Variants in SLC2A14 observed in about 807,000 individuals in gnomAD.
SLC2A14 encodes the protein solute carrier family 2, facilitated glucose transporter member 14.
A neutral mutation model predicts 43.0 loss-of-function variants in SLC2A14; 13 were observed. The ratio of observed to expected loss-of-function variants is 0.30; its 90% CI spans 0.20 to 0.48. SLC2A14 has a LOEUF of 0.48. Among genes scored for constraint, SLC2A14 ranks in the 20% least tolerant of loss-of-function variants. The probability of loss-of-function intolerance (pLI) is 0.99; values close to 1 mark genes in which losing one functional copy is unlikely to be tolerated. For synonymous variants in SLC2A14, 190 were observed against 233.8 expected (o/e 0.81, Z 1.71); for missense variants, 428 against 620.4 (o/e 0.69, Z 3.29).
chr12:7,882,378 A>G (rs1945597906), intron 1 of SLC2A14, among the ~76,000 whole-genome samples: 1 of 152,064 alleles, frequency 6.6e-6, no homozygotes, highest in Non-Finnish European at 1.5e-5. Flanking sequence ...AACAAACTCC[A>G]GATGCGCCAC....
chr12:7,818,069 A>AAG (rs1017774471), intron 9 of SLC2A14, 35 bp from the exon 10 acceptor site: 2 of 1,591,612 alleles, frequency 1.3e-6, no homozygotes, highest in Admixed American at 3.5e-5. Context: ...ATTAAATTTA[A>AAG]AGACAGTGTA....
intron 10 of SLC2A14, 84 bp downstream of exon 10, chr12:7,817,747 T>G (rs3040793): frequency 0.51 from 524,528 of 1,038,662 alleles, 119,769 homozygotes; most frequent in African/African-American, 0.66. Flanking sequence ...AAAATATATA[T>G]ATATATAGAT....
chr12:7,884,089 A>G (rs1345259742), intron 1 of SLC2A14, among the ~76,000 whole-genome samples: 3 of 111,300 alleles, frequency 2.7e-5, no homozygotes, highest in African/African-American at 1.0e-4. Context: ...ACAACTGGCT[A>G]ATTTTTTGTA....
At chr12:7,884,730 C>T (rs2121118929) in intron 1 of SLC2A14, among the ~76,000 whole-genome samples, 1 of 152,262 alleles carries the variant, frequency 6.6e-6, no homozygotes, top group East Asian at 1.9e-4. Context: ...CGATTCTCTT[C>T]TGGGCTGTTA....
rs1555121667 is a variant in SLC2A14, at chr12:7,826,861, T to TCTTTTTTCTTTCTTTC, written c.864+633_864+634insGAAAGAAAGAAAAAAG. 1.5e-4 allele frequency among the ~76,000 whole-genome samples: 9 copies of TCTTTTTTCTTTCTTTC among 60,318 alleles called. 1 individual carries two copies. Among genetic ancestry groups the TCTTTTTTCTTTCTTTC allele is most frequent in the South Asian group, 6.4e-4 (1 of 1,568 alleles). 39.6% of individuals were successfully genotyped at this position (60,318 alleles called of 152,430 possible). ...TCCTTCCTTCCTTCCTTCCTTTCTT[T>TCTTTTTTCTTTCTTTC]TTTCTTTCTTTCTTTCTTTCTTTCT... is the stretch of plus-strand genomic sequence containing the variant. On this transcript the variant is annotated intron_variant, in intron 7 of 10. Coordinates refer to ENST00000431042, the MANE Select transcript of SLC2A14 (RefSeq NM_001286234.2).
chr12:7,836,139 T>A (rs1865431481), intron 2 of SLC2A14, among the ~76,000 whole-genome samples: 2 of 151,886 alleles, frequency 1.3e-5, no homozygotes, highest in African/African-American at 4.8e-5. Context: ...CGTGTCAGAG[T>A]CCTACTCAAA....
intron 2 of SLC2A14, among the ~76,000 whole-genome samples, chr12:7,854,377 C>A (rs1031477197): frequency 2.6e-5 from 4 of 152,166 alleles, no homozygotes; most frequent in Non-Finnish European, 5.9e-5. Flanking sequence ...TCCTTCCACT[C>A]GCACATGTCT....
chr12:7,874,279 C>T (rs765800919), upstream of SLC2A14, among the ~76,000 whole-genome samples: 10 of 152,024 alleles, frequency 6.6e-5, no homozygotes, highest in Non-Finnish European at 1.0e-4. Flanking sequence ...TCCAAGAATT[C>T]CACTCCTAGG....
chr12:7,849,014 C>T (rs1006587351), intron 2 of SLC2A14, among the ~76,000 whole-genome samples: 1 of 151,836 alleles, frequency 6.6e-6, no homozygotes, highest in Admixed American at 6.6e-5. Flanking sequence ...CCACCTCGCC[C>T]GGCTAATTTT....
At chr12:7,885,878 G>T (rs771897611) in intron 1 of SLC2A14, among the ~76,000 whole-genome samples, 1 of 151,960 alleles carries the variant, frequency 6.6e-6, no homozygotes, top group African/African-American at 2.4e-5. Flanking sequence ...TCATGGTAAG[G>T]TCATTGATGA....
intron 1 of SLC2A14, among the ~76,000 whole-genome samples, chr12:7,879,000 A>AC (rs1231805536): frequency 1.5e-5 from 2 of 136,782 alleles, no homozygotes; most frequent in African/African-American, 2.7e-5. Context: ...AAAAAAAAAA[A>AC]AAAAACAATT....
At chr12:7,867,861 AG>A (rs1344534029) in intron 2 of SLC2A14, among the ~76,000 whole-genome samples, 1 of 146,210 alleles carries the variant, frequency 6.8e-6, no homozygotes, top group Non-Finnish European at 1.5e-5. Context: ...AAAAAAAAAA[AG>A]GAAGTGTTTC....
At chr12:7,821,580 G>A (rs1311123749) in intron 7 of SLC2A14, among the ~76,000 whole-genome samples, 1 of 151,990 alleles carries the variant, frequency 6.6e-6, no homozygotes, top group African/African-American at 2.4e-5. Flanking sequence ...CTACTTGGGA[G>A]GCCAGACAGA....
rs1207115499 is a variant in SLC2A14, at chr12:7,826,997, TCTC to T, written c.864+495_864+497del. On this transcript the variant is annotated intron_variant, in intron 7 of 10. Transcript: ENST00000431042. ...TCTCTTTCTCTCCTTTCTCTCTTTCTCTCCTTTCTCTCTCTCTCTTTCTCTCCT... is the reference window on the plus strand; with the variant it reads ...TCTCTTTCTCTCCTTTCTCTCTTTCTCTTTCTCTCTCTCTCTTTCTCTCCT... Among the ~76,000 whole-genome samples the T allele has an allele frequency of 1.8e-3, 260 of 146,804 alleles. 9 individuals are homozygous for T. Among genetic ancestry groups the T allele is most frequent in the Non-Finnish European group, 3.0e-3 (199 of 66,844 alleles).
intron 2 of SLC2A14, among the ~76,000 whole-genome samples, chr12:7,852,355 TTC>T (rs1867008598): frequency 6.6e-6 from 1 of 152,134 alleles, no homozygotes; most frequent in South Asian, 2.1e-4. Flanking sequence ...ATGTAAACTT[TTC>T]CATTTTACAA....
At chr12:7,882,890 TAA>T (rs35888324) in intron 1 of SLC2A14, among the ~76,000 whole-genome samples, 34 of 148,742 alleles carry the variant, frequency 2.3e-4, no homozygotes, top group East Asian at 4.0e-4. Context: ...AATTCAAGTT[TAA>T]AAAAAAAAAA....
chr12:7,880,295 C>T (rs975376078), intron 1 of SLC2A14, among the ~76,000 whole-genome samples: 5 of 151,284 alleles, frequency 3.3e-5, no homozygotes, highest in South Asian at 4.2e-4. Flanking sequence ...AGCAAAACTC[C>T]GTCTCAAAAA....
At chr12:7,847,108 CA>C (rs1866535060) in intron 2 of SLC2A14, among the ~76,000 whole-genome samples, 1 of 151,634 alleles carries the variant, frequency 6.6e-6, no homozygotes, top group Non-Finnish European at 1.5e-5. Flanking sequence ...CAAAATTAAC[CA>C]AGTGTGGTGG....
chr12:7,819,291 T>A (rs983511047), intron 9 of SLC2A14, among the ~76,000 whole-genome samples, 191 bp downstream of exon 9: 8 of 152,212 alleles, frequency 5.3e-5, no homozygotes, highest in African/African-American at 1.9e-4. Context: ...GTTCTCTAAA[T>A]GTAAAGATTC....
Sources: gnomAD v4.1 joint callset for allele counts (sites outside exome capture counted in the v4.1 genomes callset) on GRCh38, gnomAD v4.1.1 for gene constraint, MANE v1.5 for transcripts, NCBI Gene and HGNC (gene_info 2026-07-23, HGNC 2026-07-21) for gene names.